The following TBX1 variants were observed in gnomAD, a reference collection of about 807,000 sequenced individuals.
TBX1 encodes T-box transcription factor 1.
In TBX1, 16 loss-of-function variants were observed where a neutral mutation model predicts 40.8. The observed-to-expected ratio is 0.39, with a 90% CI of 0.27 to 0.60. The LOEUF (loss-of-function observed/expected upper bound fraction) is 0.60. Among genes scored for constraint, TBX1 ranks in the 20% least tolerant of loss-of-function variants. TBX1 has a pLI of 0.51. For missense variants in TBX1, 755 were observed against 728.5 expected (o/e 1.04, Z -0.42); for synonymous variants, 403 against 336.8 (o/e 1.20, Z -2.15).
At chr22:19,766,023 T>A in intron 6 of TBX1, 21 bp downstream of exon 6, 4 of 1,486,036 alleles carry the variant, frequency 2.7e-6, no homozygotes, top group Non-Finnish European at 3.6e-6. Flanking sequence ...GGTCGTGGGA[T>A]CCGGGTTCCG....
chr22:19,760,274 G>A (rs925045708), upstream of TBX1, among the ~76,000 whole-genome samples: 1 of 149,484 alleles, frequency 6.7e-6, no homozygotes, highest in Non-Finnish European at 1.5e-5. Flanking sequence ...AAGAGGAAAG[G>A]CACCGACTAA....
rs913799811 is a variant in TBX1, at chr22:19,766,181, C to CCCG, written c.1037-193_1037-191dup. 6.9e-5 allele frequency: 56 copies of CCCG among 810,798 alleles called. No homozygotes were observed. In the East Asian group the frequency reaches 8.8e-4, roughly 13 times the overall value. 50.2% of individuals were successfully genotyped at this position (810,798 alleles called of 1,614,324 possible). A position where few individuals can be genotyped will look rare whatever the true frequency, so the allele number is the denominator to read the frequency against. ...CGCCCGGCCCGACGGCTGCGCCCCG[C>CCCG]CCGCCGCCGCCGCCGCCCGCAGAGG... On this transcript the variant is annotated intron_variant, in intron 6 of 6. Coordinates refer to ENST00000649276, the MANE Select transcript of TBX1 (RefSeq NM_001379200.1).
In TBX1 at chr22:19,761,154, C is replaced by T. The variant is rs1274480565; in HGVS notation, c.311C>T (p.Ala104Val). Reference sequence around the variant, plus strand: ...GAGGGCCCCGGGGCCAGCTGCGCGGCCGCAGCCAAGGCGCCGGTGAAGAAG... The same window carrying T: ...GAGGGCCCCGGGGCCAGCTGCGCGGTCGCAGCCAAGGCGCCGGTGAAGAAG... ...EPEGPGASCA[A>V]AAKAPVKKNA... is the part of the protein sequence containing the mutation. Residue 104 changes from alanine (A) to valine (V), a missense_variant, in exon 1 of 7, where the codon GCC becomes GTC. Ala to Val is a moderately conservative substitution (Grantham distance 64). Around this residue, in one of 3 missense-constraint regions of TBX1, gnomAD observed 199 missense variants for 173.0 expected, o/e 1.15. Transcript: ENST00000649276. 4.7e-6 allele frequency: 7 copies of T among 1,499,692 alleles called. No individual in the cohort carries two copies. Among genetic ancestry groups the T allele is most frequent in the East Asian group, 2.9e-5 (1 of 34,806 alleles). The allele number at this position is 1,499,692 out of a possible 1,614,324, so 92.9% of individuals were successfully genotyped here.
Position 19,761,138 on chromosome 22 carries a change from G to T in TBX1, c.295G>T (p.Gly99Trp). The T allele has an allele frequency of 1.4e-6, 2 of 1,448,322 alleles. No individual in the cohort carries two copies. The highest frequency in any genetic ancestry group is 2.3e-5 in the Admixed American group (1 of 44,108). The allele number at this position is 1,448,322 out of a possible 1,614,324, so 89.7% of individuals were successfully genotyped here. Reference protein sequence around the residue: ...TSAAAEPEGPGASCAAAAKAP... With the variant: ...TSAAAEPEGPWASCAAAAKAP... The stretch of plus-strand genomic sequence containing the variant: ...CGCCGCCGCCGAGCCCGAGGGCCCC[G>T]GGGCCAGCTGCGCGGCCGCAGCCAA... The change falls in exon 1 of 7, where the codon GGG (glycine) becomes TGG (tryptophan). Residue 99 changes from glycine to tryptophan, a missense_variant. Gly to Trp is a radical substitution (Grantham distance 184, BLOSUM62 -2). Transcript: ENST00000649276.
rs78212108 is a variant in TBX1 at position 19,762,385 on chromosome 22, G to A, written c.438-856G>A. ...TGCAGGGAGTTGCTTGTGAGGGGAG[G>A]CAGAGGGGACGGCAAGTGAGGGCCA... On this transcript the variant is annotated intron_variant, in intron 1 of 6. Transcript: ENST00000649276. Among the ~76,000 whole-genome samples, 696 of 152,360 alleles carry A rather than the reference G, an allele frequency of 4.6e-3. 1 individual carries two copies. The highest frequency in any genetic ancestry group is 7.6e-3 in the Non-Finnish European group (514 of 68,042).
chr22:19,768,530 G>C (rs1433384285), downstream of TBX1, among the ~76,000 whole-genome samples: 1 of 152,206 alleles, frequency 6.6e-6, no homozygotes, highest in African/African-American at 2.4e-5. Flanking sequence ...CGGCTTTGGA[G>C]ATGCATTTGG....
chr22:19,768,094 G>C (rs572812217), downstream of TBX1, among the ~76,000 whole-genome samples: 2 of 152,200 alleles, frequency 1.3e-5, no homozygotes, highest in African/African-American at 2.4e-5. Flanking sequence ...CTTCCTGAGC[G>C]CAAGCAGGAA....
rs1223401513 is a variant in TBX1 at position 19,765,125 on chromosome 22, T to TG, written c.867+16dup. On this transcript the variant is annotated intron_variant, in intron 4 of 6. Transcript: ENST00000649276. ...ACCAGAACCATCGGGTGAGGGCCTG[T>TG]GGGGAGGACCTGAGCGGATTCAACG... 6.2e-7 allele frequency: 1 copy of TG among 1,614,114 alleles called. No individual in the cohort carries two copies. Among genetic ancestry groups the TG allele is most frequent in the South Asian group, 1.1e-5 (1 of 91,084 alleles).
exon 9 of TBX1, chr22:19,779,478 C>A: frequency 6.2e-7 from 1 of 1,601,596 alleles, no homozygotes; most frequent in Non-Finnish European, 8.5e-7. Flanking sequence ...TTTGAAATTT[C>A]CAAAATTAAA....
At chr22:19,779,706 G>A (rs1047375773), downstream of TBX1, among the ~76,000 whole-genome samples, 1 of 152,224 alleles carries the variant, frequency 6.6e-6, no homozygotes, top group Non-Finnish European at 1.5e-5. Context: ...ATCCAAAAAT[G>A]CCTTAAACAC....
downstream of TBX1, chr22:19,783,182 G>A (rs967011839): frequency 3.3e-5 from 22 of 666,852 alleles, no homozygotes; most frequent in Non-Finnish European, 5.2e-5. Flanking sequence ...CTAAATTCCC[G>A]ACCCACGGAG....
In TBX1 at chr22:19,767,033, C is replaced by T. The variant is rs898430564; in HGVS notation, c.*166C>T. 3.0e-6 allele frequency: 4 copies of T among 1,348,026 alleles called. No individual in the cohort carries two copies. Among genetic ancestry groups the T allele is most frequent in the Admixed American group, 3.6e-5 (1 of 27,612 alleles). The allele number at this position is 1,348,026 out of a possible 1,614,324, so 83.5% of individuals were successfully genotyped here. A position where few individuals can be genotyped will look rare whatever the true frequency, so the allele number is the denominator to read the frequency against. ...AAGCCATGGGGGCCCCCTCGCCACCCCCAGCCCCTTGGGCTATCGAAGTAT... is the reference window on the plus strand; with the variant it reads ...AAGCCATGGGGGCCCCCTCGCCACCTCCAGCCCCTTGGGCTATCGAAGTAT... On this transcript the variant is annotated 3_prime_UTR_variant, in exon 7 of 7. Coordinates refer to ENST00000649276, the MANE Select transcript of TBX1 (RefSeq NM_001379200.1).
At chr22:19,765,610 T>C (rs1396999356) in intron 4 of TBX1, 148 bp from the exon 5 acceptor site, 14 of 837,438 alleles carry the variant, frequency 1.7e-5, no homozygotes, top group Admixed American at 2.4e-5. Context: ...ACCAGCTCCG[T>C]AGAGGAGGGG....
chr22:19,766,652 C>T lies in TBX1; in HGVS notation c.1300C>T (p.His434Tyr). The T allele has an allele frequency of 6.4e-7, 1 of 1,554,974 alleles. No individual in the cohort carries two copies. The highest frequency in any genetic ancestry group is 1.2e-5 in the South Asian group (1 of 86,690). Residue 434 changes from histidine to tyrosine, a missense_variant, in exon 7 of 7, where the codon CAC becomes TAC. Transcript: ENST00000649276. The stretch of plus-strand genomic sequence containing the variant: ...CAAATATCCGGCCGCCGCCTACGAC[C>T]ACTATCTCGGGGCCAAGAGCCGGCC... ...PYKYPAAAYD[H>Y]YLGAKSRPAP...
Position 19,765,976 on chromosome 22 carries a change from C to A in TBX1, c.1010C>A (p.Pro337Gln). ...CGCTCGCGGAACCCCGTGGCTTCCC[C>A]GACGCAGCCCAGCGGCACGGAGAAA... is the stretch of plus-strand genomic sequence containing the variant. The part of the protein sequence containing the change: ...FARSRNPVAS[P>Q]TQPSGTEKDA... Residue 337 changes from proline to glutamine, a missense_variant, in exon 6 of 7, where the codon CCG (proline) becomes CAG (glutamine). Physicochemically the swap from Pro to Gln is moderately conservative, Grantham distance 76. Coordinates refer to ENST00000649276, the MANE Select transcript of TBX1 (RefSeq NM_001379200.1). 1.3e-6 allele frequency: 2 copies of A among 1,515,328 alleles called. No homozygotes were observed. The highest frequency in any genetic ancestry group is 1.8e-6 in the Non-Finnish European group (2 of 1,136,972). 93.9% of individuals were successfully genotyped at this position (1,515,328 alleles called of 1,614,324 possible).
At chr22:19,764,814 C>T in intron 3 of TBX1, 144 bp from the exon 4 acceptor site, 1 of 1,019,248 alleles carries the variant, frequency 9.8e-7, no homozygotes, top group Non-Finnish European at 1.5e-6. Flanking sequence ...CCCAGTGACC[C>T]AGCCTCATCT....
chr22:19,773,740 A>T (rs995961470), intron 8 of TBX1, among the ~76,000 whole-genome samples: 3 of 152,224 alleles, frequency 2.0e-5, no homozygotes, highest in Admixed American at 6.5e-5. Context: ...GCATCTCGGC[A>T]TCCTGATGCG....
At chr22:19,778,418 TTC>T (rs1937099138) in intron 8 of TBX1, among the ~76,000 whole-genome samples, 1 of 151,426 alleles carries the variant, frequency 6.6e-6, no homozygotes, top group Non-Finnish European at 1.5e-5. Flanking sequence ...CTTATTTCTT[TTC>T]TTTCTTTCTT....
At chr22:19,760,762 CAGCGCGGCGCCCGCCA>C in exon 1 of TBX1, 2 of 287,082 alleles carry the variant, frequency 7.0e-6, no homozygotes, top group Non-Finnish European at 9.9e-6. Context: ...GGGGCGCACG[CAGCGCGGCGCCCGCCA>C]CTCGGCCCGC....
Sources: gnomAD v4.1 joint callset for allele counts (sites outside exome capture counted in the v4.1 genomes callset) on GRCh38, gnomAD v4.1.1 for gene constraint, gnomAD v4.1.1 regional missense constraint, MANE v1.5 for transcripts, NCBI Gene and HGNC (gene_info 2026-07-23, HGNC 2026-07-21) for gene names.